TUSC3: variants seen among roughly 807,000 people sequenced by gnomAD.
TUSC3 encodes the protein tumor suppressor candidate 3.
Under a neutral mutation model 44.8 loss-of-function variants are expected in TUSC3, and 45 were observed. The ratio of observed to expected loss-of-function variants is 1.00; its 90% CI spans 0.79 to 1.29. The LOEUF is 1.29. Ranked by LOEUF, TUSC3 falls within the 50% of genes most tolerant of loss-of-function variation. TUSC3 has a pLI of 0.00. For missense variants in TUSC3, 519 were observed against 437.9 expected, an observed-to-expected ratio of 1.19 and a Z score of -1.65; for synonymous variants, 212 against 152.9, an observed-to-expected ratio of 1.39 and a Z score of -2.85.
intron 1 of TUSC3, among the ~76,000 whole-genome samples, chr8:15,448,112 T>TACATAC (rs1305057611): frequency 1.0e-5 from 1 of 98,774 alleles, no homozygotes; most frequent in Admixed American, 1.1e-4. Context: ...TATATACATA[T>TACATAC]ATATATATTT....
Position 15,717,854 on chromosome 8 carries a change from G to C in TUSC3, c.799-12812G>C, listed in dbSNP as rs183288713. 2.0e-5 allele frequency among the ~76,000 whole-genome samples: 3 copies of C among 152,150 alleles called. No homozygotes were observed. The East Asian group carries it at 5.8e-4, about 29-fold the overall frequency. The stretch of plus-strand genomic sequence containing the variant: ...TACAAAGGAGGTTAACTCAAGCGCA[G>C]ATTCACATCATATTCTGCTAAATCT... On this transcript the variant is annotated intron_variant, in intron 6 of 10. Coordinates refer to ENST00000503731, the MANE Select transcript of TUSC3 (RefSeq NM_006765.4).
At chr8:15,569,019 T>G (rs1802772989) in intron 1 of TUSC3, among the ~76,000 whole-genome samples, 1 of 152,166 alleles carries the variant, frequency 6.6e-6, no homozygotes, top group Non-Finnish European at 1.5e-5. Flanking sequence ...CTGATTTACA[T>G]TAGATAGTTT....
chr8:15,714,185 G>A (rs1809973382), intron 6 of TUSC3, among the ~76,000 whole-genome samples: 1 of 152,106 alleles, frequency 6.6e-6, no homozygotes, highest in African/African-American at 2.4e-5. Context: ...AAAATGCTCT[G>A]TTATTGGAAT....
chr8:15,582,163 C>G (rs535660844), intron 1 of TUSC3, among the ~76,000 whole-genome samples: 1 of 152,206 alleles, frequency 6.6e-6, no homozygotes, highest in Non-Finnish European at 1.5e-5. Context: ...CGCCCTGCTT[C>G]GGCTCGCGCA....
chr8:15,428,474 G>T (rs879156207), intron 1 of TUSC3, among the ~76,000 whole-genome samples: 3 of 151,832 alleles, frequency 2.0e-5, no homozygotes, highest in Non-Finnish European at 2.9e-5. Context: ...TAGTCCTTTG[G>T]GTATATACCC....
the TUSC3 span, among the ~76,000 whole-genome samples, chr8:15,811,557 A>T: frequency 4.5e-3 from 688 of 152,324 alleles, 5 homozygotes; most frequent in African/African-American, 0.016. Flanking sequence ...AGAGAGCTGG[A>T]TCCAACCAGA....
intron 6 of TUSC3, among the ~76,000 whole-genome samples, chr8:15,700,868 G>GTTTTTTT (rs1809370182): frequency 2.3e-5 from 1 of 43,232 alleles, no homozygotes; most frequent in Non-Finnish European, 4.6e-5. Flanking sequence ...TTTTTTTTTT[G>GTTTTTTT]CTTTGCCTGT....
chr8:15,834,797 A>G, the TUSC3 span, among the ~76,000 whole-genome samples: 1 of 152,188 alleles, frequency 6.6e-6, no homozygotes, highest in East Asian at 1.9e-4. Flanking sequence ...TACCATTTAC[A>G]TAGTACAGTT....
intron 3 of TUSC3, among the ~76,000 whole-genome samples, chr8:15,652,548 C>G (rs796146886): frequency 3.3e-5 from 5 of 152,094 alleles, no homozygotes. Context: ...CCTCTATAAG[C>G]AGCTTACAGA....
intron 1 of TUSC3, among the ~76,000 whole-genome samples, chr8:15,461,883 C>G (rs1800350538): frequency 6.6e-6 from 1 of 151,570 alleles, no homozygotes; most frequent in African/African-American, 2.4e-5. Context: ...ATTTACTAAA[C>G]TACGTATAAA....
At chr8:15,582,170 C>G (rs575914475) in intron 1 of TUSC3, among the ~76,000 whole-genome samples, 1 of 152,212 alleles carries the variant, frequency 6.6e-6, no homozygotes, top group Non-Finnish European at 1.5e-5. Flanking sequence ...CTTCGGCTCG[C>G]GCATGGTGCG....
chr8:15,843,178 G>T, the TUSC3 span, among the ~76,000 whole-genome samples: 1 of 152,078 alleles, frequency 6.6e-6, no homozygotes, highest in Admixed American at 6.6e-5. Flanking sequence ...TCTCTATACA[G>T]TAAGGCTCCC....
chr8:15,798,032 G>A, the TUSC3 span, among the ~76,000 whole-genome samples: 1 of 152,112 alleles, frequency 6.6e-6, no homozygotes, highest in African/African-American at 2.4e-5. Context: ...TACTATGTCC[G>A]ATAGAACACC....
chr8:15,587,302 A>G (rs991328293), intron 1 of TUSC3, among the ~76,000 whole-genome samples: 5 of 151,956 alleles, frequency 3.3e-5, no homozygotes, highest in Non-Finnish European at 5.9e-5. Flanking sequence ...TTCTTTCTGG[A>G]TTTGTTAGCA....
intron 1 of TUSC3, among the ~76,000 whole-genome samples, chr8:15,612,635 T>C (rs533527596): frequency 1.3e-3 from 201 of 152,276 alleles, no homozygotes; most frequent in Non-Finnish European, 1.9e-3. Context: ...GGAAAAAATA[T>C]AAGAAAGAGG....
intron 6 of TUSC3, among the ~76,000 whole-genome samples, chr8:15,711,016 A>T (rs1251006876): frequency 6.6e-6 from 1 of 151,488 alleles, no homozygotes; most frequent in East Asian, 1.9e-4. Context: ...CCTGAGTCTT[A>T]TGTATAGTAA....
chr8:15,667,023 A>G (rs1043223091), intron 5 of TUSC3, among the ~76,000 whole-genome samples: 1 of 151,574 alleles, frequency 6.6e-6, no homozygotes, highest in Non-Finnish European at 1.5e-5. Flanking sequence ...TAGCATTTGA[A>G]TGTTCTTGGC....
intron 2 of TUSC3, among the ~76,000 whole-genome samples, chr8:15,524,603 G>T (rs778413991): frequency 6.6e-6 from 1 of 152,188 alleles, no homozygotes; most frequent in Non-Finnish European, 1.5e-5. Context: ...CGTAATTGGT[G>T]CTTGGATAAT....
chr8:15,648,855 A>G (rs1023082388), intron 2 of TUSC3, among the ~76,000 whole-genome samples: 2 of 149,846 alleles, frequency 1.3e-5, no homozygotes, highest in African/African-American at 4.9e-5. Flanking sequence ...AGTCACCTGT[A>G]TGTGCAGGAG....
Sources: gnomAD v4.1 joint callset for allele counts (sites outside exome capture counted in the v4.1 genomes callset) on GRCh38, gnomAD v4.1.1 for gene constraint, MANE v1.5 for transcripts, NCBI Gene and HGNC (gene_info 2026-07-23, HGNC 2026-07-21) for gene names.